The following MRTFB variants were observed in gnomAD, a reference collection of about 807,000 sequenced individuals.
MRTFB encodes the protein myocardin-related transcription factor B.
MRTFB carries 29 observed loss-of-function variants against 104.2 expected under a neutral mutation model. That is an observed-to-expected ratio of 0.28 (90% CI 0.21 to 0.38). MRTFB has a LOEUF of 0.38. MRTFB is among the 10% of genes least tolerant of loss of function. The pLI, the probability that MRTFB is intolerant of heterozygous loss-of-function variation, is 1.00. For missense variants in MRTFB, 1,270 were observed against 1,341.6 expected (o/e 0.95, Z 0.83); for synonymous variants, 535 against 519.5 (o/e 1.03, Z -0.41).
intron 2 of MRTFB, among the ~76,000 whole-genome samples, chr16:14,104,719 G>T (rs561338635): frequency 6.6e-6 from 1 of 152,340 alleles, no homozygotes; most frequent in East Asian, 1.9e-4. Flanking sequence ...GAGAACCTCA[G>T]TAAATTTTAT....
At chr16:14,215,920 C>T (rs950942010) in intron 6 of MRTFB, among the ~76,000 whole-genome samples, 4 of 152,312 alleles carry the variant, frequency 2.6e-5, no homozygotes, top group African/African-American at 9.6e-5. Context: ...GTTAATTGCC[C>T]AAACGAATTT....
the MRTFB span, among the ~76,000 whole-genome samples, chr16:14,045,349 C>T: frequency 6.6e-6 from 1 of 152,168 alleles, no homozygotes; most frequent in African/African-American, 2.4e-5. Flanking sequence ...TGCCTAGATC[C>T]CGACACAGCT....
chr16:14,007,558 A>G, the MRTFB span, among the ~76,000 whole-genome samples: 2 of 152,162 alleles, frequency 1.3e-5, no homozygotes, highest in African/African-American at 4.8e-5. Flanking sequence ...TTGTGTGGAC[A>G]TATGTTTTCA....
intron 2 of MRTFB, among the ~76,000 whole-genome samples, chr16:14,102,448 C>T (rs999497649): frequency 1.1e-4 from 17 of 152,154 alleles, no homozygotes; most frequent in African/African-American, 3.4e-4. Flanking sequence ...ATCACTCGTA[C>T]ATGTTTAATA....
chr16:14,133,349 G>A (rs545913557), intron 2 of MRTFB, among the ~76,000 whole-genome samples: 95 of 152,332 alleles, frequency 6.2e-4, no homozygotes, highest in African/African-American at 2.2e-3. Context: ...CAACGAACTG[G>A]CATGATTCGT....
the MRTFB span, among the ~76,000 whole-genome samples, chr16:14,022,822 G>A: frequency 1.3e-4 from 18 of 142,362 alleles, no homozygotes; most frequent in South Asian, 3.7e-3. Context: ...TCAGCCTCCC[G>A]AGTGGCTGGG....
the MRTFB span, among the ~76,000 whole-genome samples, chr16:14,033,202 C>T: frequency 1.3e-5 from 2 of 151,872 alleles, no homozygotes; most frequent in African/African-American, 2.4e-5. Context: ...GAGTTTGAAA[C>T]GAGCCTGGGC....
At chr16:14,245,390 G>A in intron 10 of MRTFB, 138 bp from the exon 11 acceptor site, 6 of 666,856 alleles carry the variant, frequency 9.0e-6, no homozygotes, top group Non-Finnish European at 1.4e-5. Flanking sequence ...AATGTAATTG[G>A]CATCTTTACA....
intron 3 of MRTFB, among the ~76,000 whole-genome samples, chr16:14,183,976 G>C (rs2039855366): frequency 6.6e-6 from 1 of 150,612 alleles, no homozygotes; most frequent in Non-Finnish European, 1.5e-5. Flanking sequence ...GAATTTTAAA[G>C]TGGCTGGTGT....
chr16:14,169,193 A>G (rs1243067576), intron 3 of MRTFB, among the ~76,000 whole-genome samples: 2 of 152,160 alleles, frequency 1.3e-5, no homozygotes, highest in Admixed American at 6.5e-5. Context: ...ATTTTTTGAC[A>G]TATTTCAGAT....
the MRTFB span, chr16:14,019,022 AGTGGC>A: frequency 6.6e-6 from 1 of 152,150 alleles, no homozygotes; most frequent in East Asian, 1.9e-4. Flanking sequence ...AAGAGCCCCA[AGTGGC>A]GGGGTGGCAG....
chr16:14,208,756 A>T (rs970571701), intron 3 of MRTFB, among the ~76,000 whole-genome samples: 1 of 152,242 alleles, frequency 6.6e-6, no homozygotes, highest in Non-Finnish European at 1.5e-5. Context: ...AGTAAAGTAC[A>T]GTGGGAACAT....
At chr16:14,058,212 G>A in the MRTFB span, among the ~76,000 whole-genome samples, 1 of 152,196 alleles carries the variant, frequency 6.6e-6, no homozygotes, top group Admixed American at 6.5e-5. Flanking sequence ...ATAAGACAAT[G>A]AAGAACTCAT....
intron 3 of MRTFB, among the ~76,000 whole-genome samples, chr16:14,187,570 A>G (rs1326486947): frequency 6.6e-6 from 1 of 152,258 alleles, no homozygotes; most frequent in Admixed American, 6.5e-5. Context: ...CACATTGCAT[A>G]GCTTGATTTT....
At chr16:14,174,799 C>T (rs898214902) in intron 3 of MRTFB, among the ~76,000 whole-genome samples, 16 of 152,322 alleles carry the variant, frequency 1.1e-4, no homozygotes, top group African/African-American at 3.6e-4. Flanking sequence ...TAATACACAT[C>T]AGTTAACCAA....
chr16:14,256,194 CAAAA>C (rs750556838), intron 15 of MRTFB, among the ~76,000 whole-genome samples: 3 of 77,658 alleles, frequency 3.9e-5, no homozygotes, highest in South Asian at 8.7e-4. Context: ...AACAGGATAA[CAAAA>C]AAAAAAAAAA....
intron 2 of MRTFB, among the ~76,000 whole-genome samples, chr16:14,127,115 G>A (rs1171740333): frequency 6.6e-6 from 1 of 152,184 alleles, no homozygotes; most frequent in Non-Finnish European, 1.5e-5. Flanking sequence ...GTGAAGCTGG[G>A]ATGGTGCAGA....
At chr16:14,108,410 C>G (rs1277505470) in intron 2 of MRTFB, among the ~76,000 whole-genome samples, 2 of 152,168 alleles carry the variant, frequency 1.3e-5, no homozygotes, top group Non-Finnish European at 2.9e-5. Flanking sequence ...CATTTAACAA[C>G]CCTTGATAGA....
the MRTFB span, among the ~76,000 whole-genome samples, chr16:14,027,658 G>C: frequency 7.2e-5 from 11 of 152,226 alleles, no homozygotes; most frequent in South Asian, 2.3e-3. Context: ...GCTGGGCGAA[G>C]ATGGTACATG....
Sources: gnomAD v4.1 joint callset for allele counts (sites outside exome capture counted in the v4.1 genomes callset) on GRCh38, gnomAD v4.1.1 for gene constraint, MANE v1.5 for transcripts, NCBI Gene and HGNC (gene_info 2026-07-23, HGNC 2026-07-21) for gene names.